The following ASIC2 variants were observed in gnomAD, a reference collection of about 807,000 sequenced individuals.
ASIC2 encodes acid sensing ion channel subunit 2.
Under a neutral mutation model 57.3 loss-of-function variants are expected in ASIC2, and 25 were observed. That is an observed-to-expected ratio of 0.44 (90% CI 0.32 to 0.61). The LOEUF (loss-of-function observed/expected upper bound fraction) is 0.61. Ranked by LOEUF, ASIC2 falls within the 20% of genes least tolerant of loss-of-function variation. The pLI, the probability that ASIC2 is intolerant of heterozygous loss-of-function variation, is 0.06. For missense variants in ASIC2, 641 were observed against 738.1 expected, an observed-to-expected ratio of 0.87 and a Z score of 1.52; for synonymous variants, 319 against 307.5, an observed-to-expected ratio of 1.04 and a Z score of -0.39.
intron 1 of ASIC2, among the ~76,000 whole-genome samples, chr17:33,199,483 T>C (rs1156841093): frequency 6.6e-6 from 1 of 152,164 alleles, no homozygotes; most frequent in Non-Finnish European, 1.5e-5. Context: ...TTGGACTGGG[T>C]ACACAAACTC....
At chr17:33,284,270 G>A (rs192132412) in intron 1 of ASIC2, among the ~76,000 whole-genome samples, 155 of 152,214 alleles carry the variant, frequency 1.0e-3, no homozygotes, top group Non-Finnish European at 1.5e-3. Flanking sequence ...GCACAGGCCC[G>A]AGCTGGAACT....
intron 1 of ASIC2, among the ~76,000 whole-genome samples, chr17:34,031,059 G>A (rs1346817820): frequency 6.6e-6 from 1 of 152,216 alleles, no homozygotes; most frequent in Non-Finnish European, 1.5e-5. Context: ...CGGGCAGACT[G>A]CCTCCTCAAG....
Position 33,445,729 on chromosome 17 carries a change from G to A in ASIC2, c.556-333662C>T, listed in dbSNP as rs531369716. On this transcript the variant is annotated intron_variant, in intron 1 of 9. Transcript: ENST00000359872. Reference sequence around the variant, plus strand: ...GGAGAATCGCTTGAACTCAGGAGGCGCAGGTTGTGGTGAGCCAAGATCACA... The same window carrying A: ...GGAGAATCGCTTGAACTCAGGAGGCACAGGTTGTGGTGAGCCAAGATCACA... 3.2e-3 allele frequency among the ~76,000 whole-genome samples: 472 copies of A among 149,490 alleles called. 1 individual carries two copies. Among genetic ancestry groups the A allele is most frequent in the African/African-American group, 0.011 (451 of 40,522 alleles).
chr17:33,155,164 C>T (rs983300384), intron 1 of ASIC2, among the ~76,000 whole-genome samples: 3 of 152,252 alleles, frequency 2.0e-5, no homozygotes, highest in Non-Finnish European at 2.9e-5. Context: ...TGTAACGCAT[C>T]GAGGAGCCCA....
chr17:33,326,138 G>A (rs780568588), intron 1 of ASIC2, among the ~76,000 whole-genome samples: 1 of 152,158 alleles, frequency 6.6e-6, no homozygotes, highest in African/African-American at 2.4e-5. Context: ...TGTATCTGTT[G>A]TGCATTCCTG....
At chr17:33,102,169 T>A (rs1168929358) in intron 2 of ASIC2, among the ~76,000 whole-genome samples, 1 of 152,214 alleles carries the variant, frequency 6.6e-6, no homozygotes, top group Non-Finnish European at 1.5e-5. Flanking sequence ...CATTCTCCAA[T>A]AACTTCCTGA....
intron 1 of ASIC2, among the ~76,000 whole-genome samples, chr17:34,095,129 C>T (rs971154176): frequency 1.3e-5 from 2 of 152,146 alleles, no homozygotes; most frequent in Non-Finnish European, 2.9e-5. Flanking sequence ...TCTTCTAGTC[C>T]TATTGTTCTC....
intron 1 of ASIC2, among the ~76,000 whole-genome samples, chr17:33,251,963 G>T (rs1377125034): frequency 6.6e-6 from 1 of 152,170 alleles, no homozygotes; most frequent in Non-Finnish European, 1.5e-5. Context: ...TACTCATGCT[G>T]CTCTCCCATG....
chr17:33,645,441 G>A (rs1906709587), intron 1 of ASIC2, among the ~76,000 whole-genome samples: 2 of 152,164 alleles, frequency 1.3e-5, no homozygotes, highest in African/African-American at 4.8e-5. Flanking sequence ...AATGGCCCCA[G>A]GTCATAAAGA....
intron 1 of ASIC2, among the ~76,000 whole-genome samples, chr17:33,307,863 TAAGTATTC>T (rs1906249620): frequency 6.6e-6 from 1 of 152,250 alleles, no homozygotes; most frequent in Non-Finnish European, 1.5e-5. Flanking sequence ...TGACATATAG[TAAGTATTC>T]AGTAAATATT....
At chr17:33,632,268 T>C (rs1906198562) in intron 1 of ASIC2, among the ~76,000 whole-genome samples, 1 of 152,300 alleles carries the variant, frequency 6.6e-6, no homozygotes, top group East Asian at 1.9e-4. Flanking sequence ...GAATGTCTAA[T>C]GTTAGTGAAA....
chr17:33,921,715 T>C (rs1260191785), intron 1 of ASIC2, among the ~76,000 whole-genome samples: 1 of 152,186 alleles, frequency 6.6e-6, no homozygotes, highest in South Asian at 2.1e-4. Context: ...TTGTGCAAAA[T>C]GGACTCTGGA....
intron 1 of ASIC2, among the ~76,000 whole-genome samples, chr17:34,094,066 CG>C (rs1199327616): frequency 6.6e-6 from 1 of 152,020 alleles, no homozygotes; most frequent in African/African-American, 2.4e-5. Context: ...GGAAGAAGAA[CG>C]AACTATAAAG....
chr17:33,197,479 A>C (rs1185820485), intron 1 of ASIC2, among the ~76,000 whole-genome samples: 1 of 152,232 alleles, frequency 6.6e-6, no homozygotes, highest in Non-Finnish European at 1.5e-5. Context: ...TTCTCAAACT[A>C]GACCACACTC....
chr17:33,882,012 G>T (rs1231437523), intron 1 of ASIC2, among the ~76,000 whole-genome samples: 1 of 152,180 alleles, frequency 6.6e-6, no homozygotes, highest in Non-Finnish European at 1.5e-5. Context: ...AATGGGGAAA[G>T]GATTCCGTAT....
chr17:33,467,249 A>AT (rs955355354), intron 1 of ASIC2, among the ~76,000 whole-genome samples: 15 of 151,772 alleles, frequency 9.9e-5, no homozygotes, highest in South Asian at 2.1e-4. Flanking sequence ...CCTTGAAAAT[A>AT]TTTTTTTTTA....
At chr17:33,034,721 C>T (rs1449325694) in intron 3 of ASIC2, among the ~76,000 whole-genome samples, 2 of 152,062 alleles carry the variant, frequency 1.3e-5, no homozygotes, top group Non-Finnish European at 2.9e-5. Context: ...AGGTATTATG[C>T]CCCCTTTTCT....
intron 1 of ASIC2, among the ~76,000 whole-genome samples, chr17:33,531,194 C>T (rs568718145): frequency 6.6e-6 from 1 of 152,156 alleles, no homozygotes; most frequent in South Asian, 2.1e-4. Flanking sequence ...TTAAGGCAAA[C>T]GTTCCAGAAA....
chr17:33,625,720 T>C (rs1279521966), intron 1 of ASIC2, among the ~76,000 whole-genome samples: 3 of 152,134 alleles, frequency 2.0e-5, no homozygotes, highest in African/African-American at 7.2e-5. Context: ...AAATAAAAAG[T>C]GTTATAAAGA....
Sources: gnomAD v4.1 joint callset for allele counts (sites outside exome capture counted in the v4.1 genomes callset) on GRCh38, gnomAD v4.1.1 for gene constraint, MANE v1.5 for transcripts, NCBI Gene and HGNC (gene_info 2026-07-23, HGNC 2026-07-21) for gene names.